The following PPARGC1B variants were observed in gnomAD, a reference collection of about 807,000 sequenced individuals.
PPARGC1B encodes the protein peroxisome proliferator-activated receptor gamma coactivator 1-beta.
PPARGC1B carries 34 observed loss-of-function variants against 101.6 expected under a neutral mutation model. That is an observed-to-expected ratio of 0.33 (90% CI 0.25 to 0.45). The LOEUF (loss-of-function observed/expected upper bound fraction) is 0.45, where lower values mean the gene tolerates loss of function less well. PPARGC1B is among the 20% of genes least tolerant of loss of function. The pLI is 1.00. For missense variants in PPARGC1B, 1,234 were observed against 1,317.6 expected, an observed-to-expected ratio of 0.94 and a Z score of 0.98; for synonymous variants, 548 against 539.3, an observed-to-expected ratio of 1.02 and a Z score of -0.22.
chr5:149,826,619 T>G, intron 2 of PPARGC1B, 54 bp from the exon 3 acceptor site: 1 of 1,392,882 alleles, frequency 7.2e-7, no homozygotes, highest in South Asian at 1.2e-5. Context: ...TCTAAGGTGG[T>G]GACTAACCAT....
intron 1 of PPARGC1B, among the ~76,000 whole-genome samples, chr5:149,757,369 G>A (rs537590640): frequency 4.6e-5 from 7 of 151,862 alleles, no homozygotes; most frequent in Non-Finnish European, 1.0e-4. Context: ...TTCAGAGCAG[G>A]TGATATGCTA....
At chr5:149,802,133 G>T (rs1456158337) in intron 1 of PPARGC1B, among the ~76,000 whole-genome samples, 4 of 152,132 alleles carry the variant, frequency 2.6e-5, no homozygotes, top group Non-Finnish European at 4.4e-5. Context: ...TCAGGACTTG[G>T]CCCAAGGCCC....
intron 1 of PPARGC1B, among the ~76,000 whole-genome samples, chr5:149,804,753 G>A (rs1581073230): frequency 1.3e-5 from 2 of 152,196 alleles, no homozygotes; most frequent in East Asian, 1.9e-4. Context: ...CTCTCACTGC[G>A]ACTGAACAGT....
At chr5:149,784,591 G>A (rs1170536196) in intron 1 of PPARGC1B, among the ~76,000 whole-genome samples, 2 of 108,382 alleles carry the variant, frequency 1.8e-5, no homozygotes, top group Admixed American at 1.2e-4. Flanking sequence ...TTTCTGAGGT[G>A]GAGTCTCGCT....
chr5:149,803,423 T>C (rs1479794233), intron 1 of PPARGC1B, among the ~76,000 whole-genome samples: 1 of 152,156 alleles, frequency 6.6e-6, no homozygotes, highest in Non-Finnish European at 1.5e-5. Context: ...ATTTACAGCA[T>C]AAAGGATTTT....
chr5:149,772,739 C>T (rs1054414601), intron 1 of PPARGC1B, among the ~76,000 whole-genome samples: 2 of 152,128 alleles, frequency 1.3e-5, no homozygotes, highest in African/African-American at 4.8e-5. Flanking sequence ...AATACAGTCA[C>T]ATTTTGAGGT....
intron 10 of PPARGC1B, among the ~76,000 whole-genome samples, chr5:149,842,735 A>G (rs1470970388): frequency 1.3e-5 from 2 of 152,212 alleles, no homozygotes; most frequent in Admixed American, 1.3e-4. Context: ...ACCGGAGCCC[A>G]TGTGTCTGCT....
At chr5:149,784,379 A>G (rs2113232979) in intron 1 of PPARGC1B, among the ~76,000 whole-genome samples, 1 of 151,776 alleles carries the variant, frequency 6.6e-6, no homozygotes, top group Non-Finnish European at 1.5e-5. Context: ...GCATCTCTGT[A>G]TGTCAGCCAG....
intron 10 of PPARGC1B, among the ~76,000 whole-genome samples, chr5:149,844,646 CAAAT>C (rs1333012859): frequency 1.3e-5 from 2 of 152,128 alleles, no homozygotes; most frequent in African/African-American, 4.8e-5. Flanking sequence ...TCTCAAAAAA[CAAAT>C]AAATAGATAA....
In PPARGC1B at chr5:149,836,527, A is replaced by G; in HGVS notation, c.2072A>G (p.Asp691Gly). Residue 691 changes from aspartate to glycine, a missense_variant, in exon 8 of 12, where the codon GAC (aspartate) becomes GGC (glycine). Physicochemically the swap from Asp to Gly is moderately conservative, Grantham distance 94 (BLOSUM62 -1). Coordinates refer to ENST00000309241, the MANE Select transcript of PPARGC1B (RefSeq NM_133263.4). ...QKRPFSCSFG[D>G]HDYCQVLRPE... is the part of the protein sequence containing the mutation. ...CGTCCCTTCTCCTGTTCCTTTGGAG[A>G]CCATGACTACTGCCAGGTGCTCCGA... The G allele has an allele frequency of 6.2e-7, 1 of 1,613,862 alleles. No homozygotes were observed. The highest frequency in any genetic ancestry group is 8.5e-7 in the Non-Finnish European group (1 of 1,179,994).
At chr5:149,790,980 T>G (rs181452056) in intron 1 of PPARGC1B, among the ~76,000 whole-genome samples, 1 of 152,192 alleles carries the variant, frequency 6.6e-6, no homozygotes. Flanking sequence ...AGAACCAAAC[T>G]GGGTCTCTTC....
intron 1 of PPARGC1B, among the ~76,000 whole-genome samples, chr5:149,796,980 G>T (rs191520100): frequency 6.6e-6 from 1 of 152,340 alleles, no homozygotes; most frequent in Admixed American, 6.5e-5. Context: ...GAGACAGCCT[G>T]TGTGCATTTC....
chr5:149,781,816 C>T (rs1756611578), intron 1 of PPARGC1B, among the ~76,000 whole-genome samples: 2 of 152,298 alleles, frequency 1.3e-5, no homozygotes, highest in South Asian at 2.1e-4. Flanking sequence ...TCCTGCTGAT[C>T]TTGGATATAT....
chr5:149,746,757 C>T (rs1420371330), intron 1 of PPARGC1B, among the ~76,000 whole-genome samples: 1 of 152,190 alleles, frequency 6.6e-6, no homozygotes, highest in East Asian at 1.9e-4. Context: ...TCCTCTCTAA[C>T]ACTTCCTGTT....
At chr5:149,839,275 T>C (rs959806905) in intron 8 of PPARGC1B, among the ~76,000 whole-genome samples, 1 of 152,224 alleles carries the variant, frequency 6.6e-6, no homozygotes, top group Admixed American at 6.5e-5. Flanking sequence ...TTGAGAGGGC[T>C]TCTGTAACTG....
chr5:149,757,282 T>C (rs1309087642), intron 1 of PPARGC1B, among the ~76,000 whole-genome samples: 1 of 148,454 alleles, frequency 6.7e-6, no homozygotes, highest in Non-Finnish European at 1.5e-5. Flanking sequence ...CGTCATAAAG[T>C]ACACAAACGA....
chr5:149,795,095 C>T (rs2113270617), intron 1 of PPARGC1B, among the ~76,000 whole-genome samples: 1 of 152,354 alleles, frequency 6.6e-6, no homozygotes, highest in East Asian at 1.9e-4. Flanking sequence ...CCAGCTGTGG[C>T]TAAGGCTCCC....
At chr5:149,835,531 A>G (rs1289627626) in intron 7 of PPARGC1B, among the ~76,000 whole-genome samples, 166 bp downstream of exon 7, 1 of 152,246 alleles carries the variant, frequency 6.6e-6, no homozygotes, top group East Asian at 1.9e-4. Flanking sequence ...GAAAAGGAAG[A>G]TCATTACAAA....
At chr5:149,822,390 C>T (rs1252245680) in intron 2 of PPARGC1B, among the ~76,000 whole-genome samples, 2 of 152,196 alleles carry the variant, frequency 1.3e-5, no homozygotes, top group African/African-American at 4.8e-5. Flanking sequence ...CCCAGCCCCT[C>T]TCCCTTTCAT....
Sources: allele counts gnomAD v4.1 joint callset (sites outside exome capture counted in the v4.1 genomes callset), GRCh38; gene constraint gnomAD v4.1.1; transcripts MANE v1.5; gene names NCBI Gene and HGNC (gene_info 2026-07-23, HGNC 2026-07-21).